The following CHD6 variants were observed in gnomAD, a reference collection of about 807,000 sequenced individuals.
CHD6 encodes chromodomain helicase DNA binding protein 6.
CHD6 carries 50 observed loss-of-function variants against 276.9 expected under a neutral mutation model. The observed-to-expected ratio is 0.18, with a 90% CI of 0.14 to 0.23. The LOEUF is 0.23. Ranked by LOEUF, CHD6 falls within the 10% of genes least tolerant of loss-of-function variation. The probability of loss-of-function intolerance (pLI) is 1.00; values close to 1 mark genes in which losing one functional copy is unlikely to be tolerated. For missense variants in CHD6, 2,564 were observed against 3,365.8 expected, an observed-to-expected ratio of 0.76 and a Z score of 5.89; for synonymous variants, 1,173 against 1,229.3, an observed-to-expected ratio of 0.95 and a Z score of 0.96.
chr20:41,539,054 T>C lies in CHD6; in HGVS notation c.34-5484A>G, dbSNP rs2044890216. On this transcript the variant is annotated intron_variant, in intron 2 of 36. Transcript: ENST00000373233. ...ACTCCACTGAACTCTAACTGCTTGCTCTAAACCCAGCAATTAGAACTCCCT... is the reference window on the plus strand; with the variant it reads ...ACTCCACTGAACTCTAACTGCTTGCCCTAAACCCAGCAATTAGAACTCCCT... 4.6e-5 allele frequency among the ~76,000 whole-genome samples: 7 copies of C among 152,296 alleles called. No individual in the cohort carries two copies. In the South Asian group the frequency reaches 1.5e-3, roughly 32 times the overall value.
chr20:41,450,595 G>T (rs2048206717), intron 23 of CHD6, among the ~76,000 whole-genome samples: 2 of 152,168 alleles, frequency 1.3e-5, no homozygotes, highest in African/African-American at 4.8e-5. Context: ...AGAGGTGGCT[G>T]AGAGTGGCAG....
chr20:41,432,584 A>T (rs2047578955), intron 27 of CHD6, among the ~76,000 whole-genome samples: 1 of 143,168 alleles, frequency 7.0e-6, no homozygotes, highest in African/African-American at 2.5e-5. Flanking sequence ...TCACAGAAAC[A>T]AGGTGCCCCC....
Position 41,425,403 on chromosome 20 carries a change from A to T in CHD6, c.4130-9T>A, listed in dbSNP as rs2047330344. On this transcript the variant is annotated splice_polypyrimidine_tract_variant and intron_variant, in intron 28 of 36. Coordinates refer to ENST00000373233, the MANE Select transcript of CHD6 (RefSeq NM_032221.5). ...GTCGGAGCCATCCTGGGCTTCAAAC[A>T]TCAGTGAGGATATTAGTATTTACAA... 1 of 1,610,024 alleles carries T rather than the reference A, an allele frequency of 6.2e-7. No homozygotes were observed. Among genetic ancestry groups the T allele is most frequent in the Non-Finnish European group, 8.5e-7 (1 of 1,177,944 alleles).
At chr20:41,591,773 C>T (rs777868388) in intron 1 of CHD6, among the ~76,000 whole-genome samples, 10 of 152,024 alleles carry the variant, frequency 6.6e-5, no homozygotes, top group Non-Finnish European at 1.5e-4. Context: ...TGGAAGGTGC[C>T]GATAAAACAT....
chr20:41,421,482 C>T lies in CHD6; in HGVS notation c.5153G>A (p.Ser1718Asn). 1.2e-6 allele frequency: 2 copies of T among 1,613,796 alleles called. No homozygotes were observed. The highest frequency in any genetic ancestry group is 1.7e-6 in the Non-Finnish European group (2 of 1,179,884). ...YGKKVLSQEP[S>N]SFQESPSTNT... The stretch of plus-strand genomic sequence containing the variant: ...GGTACTTGGGCTCTCCTGAAAAGAG[C>T]TTGGTTCTTGGCTGAGCACCTTCTT... Residue 1718 changes from serine (S) to asparagine (N), a missense_variant, in exon 31 of 37, where the codon AGC becomes AAC. This residue lies in a region of CHD6 where 1,024 missense variants were observed against 1,047.9 expected (regional missense o/e 0.98). Transcript: ENST00000373233.
chr20:41,604,614 T>C (rs2045808738), intron 1 of CHD6, among the ~76,000 whole-genome samples: 1 of 152,116 alleles, frequency 6.6e-6, no homozygotes. Context: ...AAAATAACTG[T>C]CCAGATAAAG....
In CHD6 at chr20:41,498,649, C is replaced by T. The variant is rs563790744; in HGVS notation, c.916-423G>A. 2.2e-4 allele frequency among the ~76,000 whole-genome samples: 33 copies of T among 152,150 alleles called. No homozygotes were observed. In the South Asian group the frequency reaches 3.3e-3, roughly 15 times the overall value. ...TAAATTCTTGAAGTAAAGATGAAGC[C>T]GTGCTCTCACCAGCACCAACATACT... On this transcript the variant is annotated intron_variant, in intron 6 of 36. Transcript: ENST00000373233.
At chr20:41,474,138 G>A (rs188950824) in intron 16 of CHD6, among the ~76,000 whole-genome samples, 36 of 152,300 alleles carry the variant, frequency 2.4e-4, no homozygotes, top group Non-Finnish European at 4.1e-4. Flanking sequence ...TAAATCACAG[G>A]AAAGGTTTTT....
intron 4 of CHD6, among the ~76,000 whole-genome samples, chr20:41,514,456 G>C (rs546674812): frequency 6.6e-6 from 1 of 152,062 alleles, no homozygotes; most frequent in African/African-American, 2.4e-5. Flanking sequence ...ATCCCTGTAC[G>C]GGCTGGCCTG....
At chr20:41,548,363 A>G (rs2146135620) in intron 2 of CHD6, among the ~76,000 whole-genome samples, 1 of 152,336 alleles carries the variant, frequency 6.6e-6, no homozygotes, top group Middle Eastern at 3.4e-3. Context: ...ACAGCTGGCT[A>G]ACATACCAAA....
At chr20:41,532,920 C>T (rs933339282) in intron 3 of CHD6, 130 bp downstream of exon 3, 2 of 1,031,630 alleles carry the variant, frequency 1.9e-6, no homozygotes, top group African/African-American at 3.2e-5. Flanking sequence ...CCATCCTATA[C>T]AGGTGAGATG....
At chr20:41,517,513 A>AT (rs1401033369) in intron 3 of CHD6, among the ~76,000 whole-genome samples, 1 of 152,220 alleles carries the variant, frequency 6.6e-6, no homozygotes, top group African/African-American at 2.4e-5. Flanking sequence ...AGGATTACCG[A>AT]TTTTTAACAA....
At chr20:41,459,718 T>C (rs1220789609) in intron 17 of CHD6, among the ~76,000 whole-genome samples, 2 of 152,280 alleles carry the variant, frequency 1.3e-5, no homozygotes, top group Admixed American at 1.3e-4. Context: ...CCCAGCCATG[T>C]GGAACTGTAA....
At chr20:41,411,215 C>CAA (rs3092731) in intron 36 of CHD6, among the ~76,000 whole-genome samples, 151,792 of 152,196 alleles carry the variant, frequency 1, 75,697 homozygotes, top group Middle Eastern at 1. Flanking sequence ...ATCCAGGTGA[C>CAA]ACTCTTGAAC....
chr20:41,568,679 G>GT (rs902331822), intron 1 of CHD6, among the ~76,000 whole-genome samples: 2 of 152,074 alleles, frequency 1.3e-5, no homozygotes, highest in African/African-American at 4.8e-5. Flanking sequence ...TTTCCAAAGT[G>GT]TTTTTTTCCC....
chr20:41,558,166 C>T (rs1323335254), intron 1 of CHD6, among the ~76,000 whole-genome samples: 1 of 152,186 alleles, frequency 6.6e-6, no homozygotes, highest in Non-Finnish European at 1.5e-5. Context: ...TACTACCCTC[C>T]ACGCCCACAA....
chr20:41,423,557 T>C lies in CHD6; in HGVS notation c.4490A>G (p.Gln1497Arg). 1 of 1,614,240 alleles carries C rather than the reference T, an allele frequency of 6.2e-7. No homozygotes were observed. The change falls in exon 30 of 37, where the codon CAG (glutamine) becomes CGG (arginine). Residue 1497 changes from glutamine (Q) to arginine (R), a missense_variant. Around this residue, in one of 7 missense-constraint regions of CHD6, gnomAD observed 515 missense variants for 739.5 expected, o/e 0.70. Transcript: ENST00000373233. ...LDKKSDESLE[Q>R]YFYSFVAMCR... ...CATGGCCACAAAACTATAAAAATAC[T>C]GTTCCAGGCTCTCATCCGACTTCTT... is the stretch of plus-strand genomic sequence containing the variant.
In CHD6 at chr20:41,477,696, G is replaced by A. The variant is rs73263443; in HGVS notation, c.2469-4179C>T. 3.1e-3 allele frequency among the ~76,000 whole-genome samples: 465 copies of A among 152,228 alleles called. 5 individuals carry two copies. The highest frequency in any genetic ancestry group is 0.011 in the African/African-American group (445 of 41,538). On this transcript the variant is annotated intron_variant, in intron 16 of 36. Coordinates refer to ENST00000373233, the MANE Select transcript of CHD6 (RefSeq NM_032221.5). ...ATAAAATTCTGGCATCTGGAAAGTC[G>A]TATTTGATTTGAAGAAGGCAGAATC...
At chr20:41,476,209 C>T (rs948658703) in intron 16 of CHD6, among the ~76,000 whole-genome samples, 5 of 152,076 alleles carry the variant, frequency 3.3e-5, no homozygotes, top group African/African-American at 9.7e-5. Context: ...TAAAATTTTC[C>T]ACACTGAACT....
Sources: allele counts gnomAD v4.1 joint callset (sites outside exome capture counted in the v4.1 genomes callset), GRCh38; gene constraint gnomAD v4.1.1; regional missense constraint gnomAD v4.1.1; transcripts MANE v1.5; gene names NCBI Gene and HGNC (gene_info 2026-07-23, HGNC 2026-07-21).